FBXL7: variants seen among roughly 807,000 people sequenced by gnomAD.
The protein encoded by FBXL7 is F-box and leucine rich repeat protein 7.
FBXL7 carries 12 observed loss-of-function variants against 38.3 expected under a neutral mutation model. That is an observed-to-expected ratio of 0.31 (90% CI 0.20 to 0.51). FBXL7 has a LOEUF of 0.51. Among genes scored for constraint, FBXL7 ranks in the 20% least tolerant of loss-of-function variants. The pLI is 0.98. For synonymous variants in FBXL7, 297 were observed against 300.9 expected, an observed-to-expected ratio of 0.99 and a Z score of 0.13; for missense variants, 567 against 676.4, an observed-to-expected ratio of 0.84 and a Z score of 1.79.
At chr5:15,546,512 A>AG (rs145506789) in intron 1 of FBXL7, among the ~76,000 whole-genome samples, 9,389 of 152,290 alleles carry the variant, frequency 0.062, 404 homozygotes, top group Non-Finnish European at 0.09. Flanking sequence ...GGTTGCAGTG[A>AG]GCTGAGATGG....
intron 2 of FBXL7, among the ~76,000 whole-genome samples, chr5:15,849,485 G>A (rs1188363810): frequency 6.6e-6 from 1 of 152,114 alleles, no homozygotes; most frequent in Admixed American, 6.5e-5. Context: ...CCCCCATACC[G>A]TTCTCATGGT....
At position 15,556,761 on chromosome 5, in the gene FBXL7, G is replaced by A. The variant is rs140820161; in HGVS notation, c.37+56048G>A. ...TAAATCATCAGCTGAGAATATTGGC[G>A]TTTTTTGACTGTGGCAAATAAAAAA... On this transcript the variant is annotated intron_variant, in intron 1 of 3. Transcript: ENST00000504595. Among the ~76,000 whole-genome samples, 100 of 152,154 alleles carry A rather than the reference G, an allele frequency of 6.6e-4. 1 individual carries two copies. The East Asian group carries it at 0.013, about 19-fold the overall frequency.
At chr5:15,842,832 G>T (rs1055357885) in intron 2 of FBXL7, among the ~76,000 whole-genome samples, 6 of 152,170 alleles carry the variant, frequency 3.9e-5, no homozygotes, top group Non-Finnish European at 8.8e-5. Context: ...TCCCAGCTAC[G>T]TGGAACTGTG....
intron 1 of FBXL7, among the ~76,000 whole-genome samples, chr5:15,592,699 C>T (rs867423954): frequency 2.6e-5 from 4 of 151,990 alleles, no homozygotes; most frequent in South Asian, 2.1e-4. Context: ...ACATCTAGTC[C>T]GGACCTTTAG....
In FBXL7 at chr5:15,843,907, A is replaced by G. The variant is rs529835924; in HGVS notation, c.128-83983A>G. Reference sequence around the variant, plus strand: ...ATAAAGCTATATATTTAGAAACTATATATAGTATAGAATATATAGTTTCTA... The same window carrying G: ...ATAAAGCTATATATTTAGAAACTATGTATAGTATAGAATATATAGTTTCTA... On this transcript the variant is annotated intron_variant, in intron 2 of 3. Coordinates refer to ENST00000504595, the MANE Select transcript of FBXL7 (RefSeq NM_012304.5). Among the ~76,000 whole-genome samples, 12 of 151,116 alleles carry G rather than the reference A, an allele frequency of 7.9e-5. No homozygotes were observed. In the East Asian group the frequency reaches 1.9e-3, roughly 24 times the overall value.
chr5:15,830,101 G>C (rs1364774812), intron 2 of FBXL7, among the ~76,000 whole-genome samples: 1 of 152,134 alleles, frequency 6.6e-6, no homozygotes, highest in East Asian at 1.9e-4. Context: ...AAGCCACTGA[G>C]ACTTAAACTT....
chr5:15,519,895 T>C (rs1005348850), intron 1 of FBXL7, among the ~76,000 whole-genome samples: 8 of 152,190 alleles, frequency 5.3e-5, no homozygotes, highest in Non-Finnish European at 1.2e-4. Flanking sequence ...GGCGAGTCCA[T>C]ACATTAAAGT....
At chr5:15,661,425 G>A (rs953371600) in intron 2 of FBXL7, among the ~76,000 whole-genome samples, 3 of 151,986 alleles carry the variant, frequency 2.0e-5, no homozygotes, top group Admixed American at 6.6e-5. Flanking sequence ...TAAAACTTCT[G>A]TGTAATATTG....
chr5:15,613,892 G>C (rs1740345255), intron 1 of FBXL7, among the ~76,000 whole-genome samples: 1 of 152,156 alleles, frequency 6.6e-6, no homozygotes, highest in African/African-American at 2.4e-5. Flanking sequence ...GGTGCCAGCA[G>C]ATTTAGTGTC....
intron 1 of FBXL7, among the ~76,000 whole-genome samples, chr5:15,504,421 C>T (rs964310169): frequency 5.3e-5 from 8 of 152,200 alleles, no homozygotes; most frequent in East Asian, 1.9e-4. Context: ...GTCTTCCTCA[C>T]GAACTCCCGC....
At chr5:15,503,361 C>T (rs1736552887) in intron 1 of FBXL7, among the ~76,000 whole-genome samples, 1 of 152,182 alleles carries the variant, frequency 6.6e-6, no homozygotes. Flanking sequence ...GCGGAGGTTG[C>T]AGTAAGCTGA....
At chr5:15,696,749 A>T (rs76646478) in intron 2 of FBXL7, among the ~76,000 whole-genome samples, 1 of 152,166 alleles carries the variant, frequency 6.6e-6, no homozygotes, top group African/African-American at 2.4e-5. Flanking sequence ...CAAGATCTTG[A>T]TTAATTCCCA....
intron 1 of FBXL7, among the ~76,000 whole-genome samples, chr5:15,571,906 T>A (rs1214746430): frequency 1.3e-5 from 2 of 152,068 alleles, no homozygotes; most frequent in Non-Finnish European, 2.9e-5. Context: ...TGTGGCAAAC[T>A]AGCCCACACA....
intron 2 of FBXL7, among the ~76,000 whole-genome samples, chr5:15,768,544 A>T (rs2126707799): frequency 6.6e-6 from 1 of 151,892 alleles, no homozygotes; most frequent in Admixed American, 6.6e-5. Flanking sequence ...AAAAAAAAAG[A>T]AAAAAAAGAG....
At chr5:15,596,500 A>C (rs1364570795) in intron 1 of FBXL7, among the ~76,000 whole-genome samples, 1 of 152,200 alleles carries the variant, frequency 6.6e-6, no homozygotes, top group East Asian at 1.9e-4. Flanking sequence ...CTGTCTCCAC[A>C]AAAATAAGTA....
intron 2 of FBXL7, among the ~76,000 whole-genome samples, chr5:15,674,984 A>G (rs1178096244): frequency 2.0e-5 from 3 of 152,160 alleles, no homozygotes; most frequent in Non-Finnish European, 4.4e-5. Flanking sequence ...ATGTGAATGA[A>G]CCTGATATCA....
Position 15,788,208 on chromosome 5 carries a change from T to G in FBXL7, c.128-139682T>G, listed in dbSNP as rs987489259. ...GTCCTCATCTCAAGCTAACTAATTA[T>G]ATCTGCAAAGATTCTGTTTCCAAAG... On this transcript the variant is annotated intron_variant, in intron 2 of 3. Coordinates refer to ENST00000504595, the MANE Select transcript of FBXL7 (RefSeq NM_012304.5). Among the ~76,000 whole-genome samples the G allele has an allele frequency of 2.2e-4, 33 of 152,184 alleles. 1 individual carries two copies. The highest frequency in any genetic ancestry group is 1.5e-5 in the Non-Finnish European group (1 of 68,022).
At chr5:15,725,023 TC>T (rs1744302995) in intron 2 of FBXL7, among the ~76,000 whole-genome samples, 1 of 152,206 alleles carries the variant, frequency 6.6e-6, no homozygotes, top group Admixed American at 6.5e-5. Context: ...ATTTTCTTGA[TC>T]CCTGTCAGTA....
chr5:15,865,948 C>G (rs1224921078), intron 2 of FBXL7, among the ~76,000 whole-genome samples: 2 of 152,180 alleles, frequency 1.3e-5, no homozygotes, highest in Non-Finnish European at 2.9e-5. Context: ...CTGCTCCCTC[C>G]CTGACACCAG....
Sources: allele counts gnomAD v4.1 joint callset (sites outside exome capture counted in the v4.1 genomes callset), GRCh38; gene constraint gnomAD v4.1.1; transcripts MANE v1.5; gene names NCBI Gene and HGNC (gene_info 2026-07-23, HGNC 2026-07-21).